IL1RAPL1: variants seen among roughly 807,000 people sequenced by gnomAD.
The protein encoded by IL1RAPL1 is interleukin-1 receptor accessory protein-like 1.
Under a neutral mutation model 48.4 loss-of-function variants are expected in IL1RAPL1, and 3 were observed. The ratio of observed to expected loss-of-function variants is 0.06; its 90% CI spans 0.03 to 0.16. The LOEUF is 0.16. IL1RAPL1 is among the 10% of genes least tolerant of loss of function. The probability of loss-of-function intolerance (pLI) is 1.00; values close to 1 mark genes in which losing one functional copy is unlikely to be tolerated. For missense variants in IL1RAPL1, 349 were observed against 530.6 expected (o/e 0.66, Z 3.36); for synonymous variants, 185 against 187.7 (o/e 0.99, Z 0.12).
At chrX:29,002,989 G>A (rs933639738) in intron 2 of IL1RAPL1, among the ~76,000 whole-genome samples, 3 of 110,142 alleles carry the variant, frequency 2.7e-5, no homozygotes, top group African/African-American at 9.9e-5. Flanking sequence ...TGAGTGCAAT[G>A]TACAAGAAAA....
intron 2 of IL1RAPL1, among the ~76,000 whole-genome samples, chrX:28,805,998 G>A (rs1349398889): frequency 9.1e-6 from 1 of 110,428 alleles, no homozygotes; most frequent in African/African-American, 3.3e-5. Flanking sequence ...CTATTTTCCT[G>A]TGGCAATGTA....
chrX:28,746,276 C>T (rs1297264142), intron 1 of IL1RAPL1, among the ~76,000 whole-genome samples: 1 of 111,676 alleles, frequency 9.0e-6, no homozygotes, highest in Non-Finnish European at 1.9e-5. Context: ...AGAACTAGTG[C>T]TTTAAAGCAC....
chrX:28,939,403 C>T (rs1467633974), intron 2 of IL1RAPL1, among the ~76,000 whole-genome samples: 1 of 110,685 alleles, frequency 9.0e-6, no homozygotes, highest in Non-Finnish European at 1.9e-5. Flanking sequence ...GAGATGAAGG[C>T]CATTATCCTT....
intron 5 of IL1RAPL1, among the ~76,000 whole-genome samples, chrX:29,513,385 A>G (rs1316065961): frequency 8.9e-6 from 1 of 111,882 alleles, no homozygotes; most frequent in Non-Finnish European, 1.9e-5. Flanking sequence ...ATCATATTAT[A>G]TTATTTTTAA....
intron 2 of IL1RAPL1, among the ~76,000 whole-genome samples, chrX:29,266,701 A>G (rs1569273376): frequency 9.0e-6 from 1 of 111,340 alleles, no homozygotes; most frequent in South Asian, 3.8e-4. Context: ...TCATTCCTTT[A>G]TGGCCTCTTA....
chrX:29,440,125 A>C (rs1053127725), intron 5 of IL1RAPL1, among the ~76,000 whole-genome samples: 1 of 109,829 alleles, frequency 9.1e-6, no homozygotes. Context: ...TCAGATAGAG[A>C]TCATGGAATC....
At chrX:28,814,344 T>C (rs1569178620) in intron 2 of IL1RAPL1, among the ~76,000 whole-genome samples, 2 of 85,539 alleles carry the variant, frequency 2.3e-5, no homozygotes, top group African/African-American at 9.3e-5. Context: ...TTCAGGTTTG[T>C]GTGTGTGTGT....
chrX:28,906,022 G>A (rs1184614375), intron 2 of IL1RAPL1, among the ~76,000 whole-genome samples: 4 of 112,098 alleles, frequency 3.6e-5, no homozygotes, highest in Admixed American at 9.5e-5. Context: ...ACATGGCTGC[G>A]GAGGCCTCAG....
chrX:29,045,968 C>A (rs1926959126), intron 2 of IL1RAPL1, among the ~76,000 whole-genome samples: 1 of 77,441 alleles, frequency 1.3e-5, no homozygotes, highest in African/African-American at 5.5e-5. Flanking sequence ...CCTCCTCCTT[C>A]TTCTCCTCCT....
chrX:29,626,219 C>A (rs760932671), intron 5 of IL1RAPL1, among the ~76,000 whole-genome samples: 9 of 112,109 alleles, frequency 8.0e-5, no homozygotes, highest in Non-Finnish European at 1.7e-4. Flanking sequence ...AACTATTTTT[C>A]CGCAACTGAG....
intron 5 of IL1RAPL1, among the ~76,000 whole-genome samples, chrX:29,444,945 C>T (rs946179672): frequency 8.9e-6 from 1 of 112,135 alleles, no homozygotes; most frequent in Non-Finnish European, 1.9e-5. Context: ...AAGACAAAAA[C>T]ATCATCACCA....
chrX:28,907,381 A>G (rs775918661), intron 2 of IL1RAPL1, among the ~76,000 whole-genome samples: 1 of 111,282 alleles, frequency 9.0e-6, no homozygotes, highest in Non-Finnish European at 1.9e-5. Context: ...CAGCCTCCCT[A>G]GCAGCTGAGA....
At chrX:29,890,297 G>T (rs762622551) in intron 6 of IL1RAPL1, among the ~76,000 whole-genome samples, 4 of 111,691 alleles carry the variant, frequency 3.6e-5, no homozygotes, top group Non-Finnish European at 7.5e-5. Flanking sequence ...AGTTAAATCG[G>T]CATCCAAGGA....
chrX:29,226,991 A>AT (rs370414523), intron 2 of IL1RAPL1, among the ~76,000 whole-genome samples: 303 of 103,924 alleles, frequency 2.9e-3, no homozygotes, highest in African/African-American at 8.6e-3. Context: ...GGAATGGAAG[A>AT]TTTTTTTTTT....
chrX:29,600,687 G>A (rs945753022), intron 5 of IL1RAPL1, among the ~76,000 whole-genome samples: 3 of 111,234 alleles, frequency 2.7e-5, no homozygotes, highest in South Asian at 3.9e-4. Flanking sequence ...ACCACCAGGT[G>A]GGGGGCAGGG....
chrX:29,827,880 A>G (rs1175726962), intron 6 of IL1RAPL1, among the ~76,000 whole-genome samples: 1 of 112,240 alleles, frequency 8.9e-6, no homozygotes, highest in African/African-American at 3.2e-5. Flanking sequence ...GATATATATG[A>G]GGCTAAGAAA....
At chrX:28,639,080 AG>A (rs1443751188) in intron 1 of IL1RAPL1, among the ~76,000 whole-genome samples, 1 of 111,852 alleles carries the variant, frequency 8.9e-6, no homozygotes, top group African/African-American at 3.3e-5. Context: ...TTTCCTTTGA[AG>A]CATGAGCACA....
chrX:28,588,338 T>G (rs1324604713), intron 1 of IL1RAPL1, among the ~76,000 whole-genome samples: 1 of 110,502 alleles, frequency 9.0e-6, no homozygotes. Context: ...CCAATTATTT[T>G]GATATGGAAG....
chrX:28,847,335 T>C (rs757541938), intron 2 of IL1RAPL1, among the ~76,000 whole-genome samples: 1 of 111,592 alleles, frequency 9.0e-6, no homozygotes, highest in Non-Finnish European at 1.9e-5. Context: ...TCAATAGTCT[T>C]GTTACTGTTT....
Sources: gnomAD v4.1 joint callset for allele counts (sites outside exome capture counted in the v4.1 genomes callset) on GRCh38, gnomAD v4.1.1 for gene constraint, MANE v1.5 for transcripts, NCBI Gene and HGNC (gene_info 2026-07-23, HGNC 2026-07-21) for gene names.